Variants in PAGE3 observed in about 807,000 individuals in gnomAD.
PAGE3 encodes the protein PAGE family member 3.
A neutral mutation model predicts 3.8 loss-of-function variants in PAGE3; 9 were observed. That is an observed-to-expected ratio of 2.36 (90% CI 1.42 to 4.12). The LOEUF (loss-of-function observed/expected upper bound fraction) is 4.12. PAGE3 is among the 30% of genes most tolerant of loss of function. The pLI is 0.00. For synonymous variants in PAGE3, 24 were observed against 13.1 expected (o/e 1.83, Z -1.79); for missense variants, 73 against 37.8 (o/e 1.93, Z -2.44).
chrX:55,258,629 C>A, intron 4 of PAGE3, 101 bp from the exon 5 acceptor site: 3 of 498,625 alleles, frequency 6.0e-6, no homozygotes, highest in Non-Finnish European at 1.1e-5. Flanking sequence ...ATGAAATGAA[C>A]TATAACAAGG....
rs760428353 is a variant in PAGE3, at chrX:55,260,757, C to CT, written c.194-99dup. The CT allele has an allele frequency of 7.8e-6, 3 of 386,120 alleles. No homozygotes were observed. The South Asian group carries it at 1.5e-4, about 20-fold the overall frequency. The allele number at this position is 386,120 out of a possible 1,213,427, so 31.8% of individuals were successfully genotyped here. On this transcript the variant is annotated intron_variant, in intron 3 of 4. Transcript: ENST00000374951. Reference sequence around the variant, plus strand: ...TCCCTCAATGTTATGAAATAAAAGCCTATAGGCTAGTGTGGTAATACACGC... The same window carrying CT: ...TCCCTCAATGTTATGAAATAAAAGCCTTATAGGCTAGTGTGGTAATACACGC...
At chrX:55,264,041 T>C in intron 1 of PAGE3, 130 bp from the exon 2 acceptor site, 1 of 393,484 alleles carries the variant, frequency 2.5e-6, no homozygotes, top group East Asian at 4.1e-5. Flanking sequence ...TTTTCAAAAA[T>C]TTTTAGGTAT....
intron 4 of PAGE3, among the ~76,000 whole-genome samples, chrX:55,259,289 A>G (rs1053984246): frequency 1.8e-5 from 2 of 110,779 alleles, no homozygotes; most frequent in African/African-American, 3.3e-5. Flanking sequence ...AAGAGAAGAG[A>G]CTGAGGAATC....
Position 55,258,454 on chromosome X carries a change from T to C in PAGE3, c.*52A>G. 1 of 551,747 alleles carries C rather than the reference T, an allele frequency of 1.8e-6. No individual in the cohort carries two copies. The highest frequency in any genetic ancestry group is 3.3e-6 in the Non-Finnish European group (1 of 302,568). 45.5% of individuals were successfully genotyped at this position (551,747 alleles called of 1,213,427 possible). On this transcript the variant is annotated 3_prime_UTR_variant, in exon 5 of 5. Coordinates refer to ENST00000374951, the MANE Select transcript of PAGE3 (RefSeq NM_001017931.3). Reference sequence around the variant, plus strand: ...TGAAACTTTATTGAGAGAATTTTACTGGTGAAGTTTCCAACATAAAGACTG... The same window carrying C: ...TGAAACTTTATTGAGAGAATTTTACCGGTGAAGTTTCCAACATAAAGACTG...
intron 4 of PAGE3, among the ~76,000 whole-genome samples, chrX:55,259,163 G>A (rs919291134): frequency 6.0e-4 from 66 of 110,458 alleles, no homozygotes; most frequent in African/African-American, 2.1e-3. Context: ...AAATTATATC[G>A]TCACACTGGT....
chrX:55,264,117 G>A (rs1938347537), intron 1 of PAGE3, among the ~76,000 whole-genome samples: 1 of 111,546 alleles, frequency 9.0e-6, no homozygotes, highest in Admixed American at 9.6e-5. Flanking sequence ...TAGCAGGCAA[G>A]GCTCATGGCA....
At chrX:55,259,268 G>C (rs989887110) in intron 4 of PAGE3, among the ~76,000 whole-genome samples, 2 of 110,054 alleles carry the variant, frequency 1.8e-5, no homozygotes, top group African/African-American at 3.3e-5. Context: ...AGGGAGAGGA[G>C]GAGAGAGAGA....
rs773023014 is a variant in PAGE3, at chrX:55,258,536, A to G, written c.320-8T>C. On this transcript the variant is annotated splice_polypyrimidine_tract_variant and splice_region_variant and intron_variant, in intron 4 of 4. Coordinates refer to ENST00000374951, the MANE Select transcript of PAGE3 (RefSeq NM_001017931.3). The stretch of plus-strand genomic sequence containing the variant: ...CCGATGGTTGCCCTTCACCTATAAG[A>G]TAAACATAATAGTTGAGAGTATTTT... 1.6e-5 allele frequency: 9 copies of G among 565,140 alleles called. No homozygotes were observed. Among genetic ancestry groups the G allele is most frequent in the Non-Finnish European group, 2.6e-5 (8 of 307,236 alleles). 46.6% of individuals were successfully genotyped at this position (565,140 alleles called of 1,213,427 possible). A position where few individuals can be genotyped will look rare whatever the true frequency, so the allele number is the denominator to read the frequency against.
chrX:55,260,481 A>T (rs753367598), intron 4 of PAGE3, 53 bp downstream of exon 4: 1 of 522,451 alleles, frequency 1.9e-6, no homozygotes, highest in Non-Finnish European at 3.5e-6. Context: ...TAAAATATAT[A>T]GTATTTTTGA....
At position 55,260,531 on chromosome X, in the gene PAGE3, T is replaced by C; in HGVS notation, c.319+3A>G. The C allele has an allele frequency of 1.8e-6, 1 of 564,706 alleles. No homozygotes were observed. Among genetic ancestry groups the C allele is most frequent in the Non-Finnish European group, 3.3e-6 (1 of 306,124 alleles). 46.5% of individuals were successfully genotyped at this position (564,706 alleles called of 1,213,427 possible). The stretch of plus-strand genomic sequence containing the variant: ...TAATTTGCATTTTTAATGAATAACT[T>C]ACCTGCTTCTGGTATTTTAACAGGC... On this transcript the variant is annotated splice_donor_region_variant and intron_variant, in intron 4 of 4. Coordinates refer to ENST00000374951, the MANE Select transcript of PAGE3 (RefSeq NM_001017931.3).
chrX:55,260,470 A>G, intron 4 of PAGE3, 64 bp downstream of exon 4: 4 of 499,055 alleles, frequency 8.0e-6, no homozygotes, highest in Non-Finnish European at 1.1e-5. Context: ...CCTCTATATT[A>G]TAAAATATAT....
intron 2 of PAGE3, 127 bp downstream of exon 2, chrX:55,263,693 A>G (rs1938339000): frequency 4.7e-6 from 2 of 428,109 alleles, no homozygotes; most frequent in Non-Finnish European, 8.1e-6. Context: ...ATCTATGTTT[A>G]CTTCACGAGA....
rs1938293712 is a variant in PAGE3 at position 55,261,897 on chromosome X, A to G, written c.194-1238T>C. Among the ~76,000 whole-genome samples, 4 of 111,711 alleles carry G rather than the reference A, an allele frequency of 3.6e-5. No homozygotes were observed. In the South Asian group the frequency reaches 1.5e-3, roughly 42 times the overall value. On this transcript the variant is annotated intron_variant, in intron 3 of 4. Transcript: ENST00000374951. ...GCGTATGACATATCTTATAGTCATGACACCCATAACCTATTGGGGTAACAA... is the reference window on the plus strand; with the variant it reads ...GCGTATGACATATCTTATAGTCATGGCACCCATAACCTATTGGGGTAACAA...
intron 3 of PAGE3, among the ~76,000 whole-genome samples, 168 bp downstream of exon 3, chrX:55,263,083 C>A (rs1938319670): frequency 9.0e-6 from 1 of 110,556 alleles, no homozygotes; most frequent in Admixed American, 9.8e-5. Context: ...TACTAAGGGA[C>A]TGCCCTTGGC....
At chrX:55,261,621 G>T (rs1938290895) in intron 3 of PAGE3, among the ~76,000 whole-genome samples, 1 of 111,509 alleles carries the variant, frequency 9.0e-6, no homozygotes, top group Admixed American at 9.6e-5. Context: ...ACAAGACTGG[G>T]TGCATTCAGG....
chrX:55,259,919 T>A (rs1283778305), intron 4 of PAGE3, among the ~76,000 whole-genome samples: 1 of 111,367 alleles, frequency 9.0e-6, no homozygotes, highest in African/African-American at 3.3e-5. Flanking sequence ...GGATCAGGAA[T>A]GTAGAGCAAA....
chrX:55,259,728 C>T (rs1328984168), intron 4 of PAGE3, among the ~76,000 whole-genome samples: 1 of 110,256 alleles, frequency 9.1e-6, no homozygotes, highest in Non-Finnish European at 1.9e-5. Flanking sequence ...TATATTTTTC[C>T]TTCTCCCTTA....
chrX:55,259,753 CT>C (rs1456442334), intron 4 of PAGE3, among the ~76,000 whole-genome samples: 1 of 109,961 alleles, frequency 9.1e-6, no homozygotes, highest in African/African-American at 3.3e-5. Flanking sequence ...TATCTTGTGC[CT>C]TTTTCTTATT....
At chrX:55,263,411 T>C (rs780018905) in intron 2 of PAGE3, 52 bp from the exon 3 acceptor site, 1 of 521,285 alleles carries the variant, frequency 1.9e-6, no homozygotes, top group Non-Finnish European at 3.5e-6. Context: ...TAATAATGCA[T>C]GTCAATAATA....
Sources: gnomAD v4.1 joint callset for allele counts (sites outside exome capture counted in the v4.1 genomes callset) on GRCh38, gnomAD v4.1.1 for gene constraint, MANE v1.5 for transcripts, NCBI Gene and HGNC (gene_info 2026-07-23, HGNC 2026-07-21) for gene names.